Variants in CSMD1 observed in about 807,000 individuals in gnomAD.
CSMD1 encodes the protein CUB and sushi domain-containing protein 1.
A neutral mutation model predicts 417.5 loss-of-function variants in CSMD1; 213 were observed. That is an observed-to-expected ratio of 0.51 (90% confidence interval 0.46 to 0.57). The LOEUF is 0.57. CSMD1 is among the 20% of genes least tolerant of loss of function. The pLI is 0.00. For synonymous variants in CSMD1, 2,862 were observed against 1,736.8 expected (o/e 1.65, Z -16.11); for missense variants, 6,923 against 4,529.7 (o/e 1.53, Z -15.17).
chr8:4,156,639 G>A (rs1714778), intron 3 of CSMD1, among the ~76,000 whole-genome samples: 3 of 151,976 alleles, frequency 2.0e-5, no homozygotes, highest in Non-Finnish European at 2.9e-5. Flanking sequence ...TTGCTATTTG[G>A]TGATACCAGG....
At chr8:3,818,329 C>A (rs576467333) in intron 5 of CSMD1, among the ~76,000 whole-genome samples, 15 of 152,294 alleles carry the variant, frequency 9.8e-5, no homozygotes, top group African/African-American at 3.6e-4. Context: ...TCCAAAGAAA[C>A]TCCCTCATGT....
intron 5 of CSMD1, among the ~76,000 whole-genome samples, chr8:3,766,735 T>G (rs1228193554): frequency 1.3e-5 from 2 of 152,194 alleles, no homozygotes; most frequent in African/African-American, 2.4e-5. Context: ...TGATATTATT[T>G]TTAGCATACA....
chr8:4,228,111 C>T (rs1169594320), intron 3 of CSMD1, among the ~76,000 whole-genome samples: 2 of 151,790 alleles, frequency 1.3e-5, no homozygotes, highest in Admixed American at 6.6e-5. Context: ...CTTCATTCAA[C>T]CCCGTAACAG....
chr8:3,480,166 C>T (rs564113971), intron 11 of CSMD1, among the ~76,000 whole-genome samples: 2 of 151,922 alleles, frequency 1.3e-5, no homozygotes, highest in Non-Finnish European at 2.9e-5. Context: ...CAAGACCAGC[C>T]TGGGCAACAC....
chr8:4,364,294 G>A (rs368195909), intron 3 of CSMD1, among the ~76,000 whole-genome samples: 4 of 152,238 alleles, frequency 2.6e-5, no homozygotes, highest in South Asian at 2.1e-4. Flanking sequence ...AAGCCAAGGG[G>A]AACATTAAGG....
At chr8:4,774,309 T>C (rs898303863) in intron 1 of CSMD1, among the ~76,000 whole-genome samples, 11 of 152,198 alleles carry the variant, frequency 7.2e-5, no homozygotes, top group Non-Finnish European at 1.5e-4. Context: ...CCTGAGCAAG[T>C]TATAGTAATT....
chr8:3,840,802 T>A (rs151119156), intron 5 of CSMD1, among the ~76,000 whole-genome samples: 1 of 151,718 alleles, frequency 6.6e-6, no homozygotes, highest in South Asian at 2.1e-4. Context: ...TTCAAGCAAT[T>A]CTCCTGTCTC....
intron 23 of CSMD1, among the ~76,000 whole-genome samples, chr8:3,337,296 T>C (rs994135649): frequency 1.3e-5 from 2 of 152,244 alleles, no homozygotes; most frequent in Non-Finnish European, 2.9e-5. Flanking sequence ...GCTTTTATTA[T>C]TCATCACTTT....
intron 2 of CSMD1, among the ~76,000 whole-genome samples, chr8:4,432,611 C>T (rs945759530): frequency 6.6e-6 from 1 of 152,068 alleles, no homozygotes; most frequent in Non-Finnish European, 1.5e-5. Context: ...GGTGAGGAAA[C>T]GAAGCCTCAG....
intron 1 of CSMD1, among the ~76,000 whole-genome samples, chr8:4,826,100 G>T (rs917171902): frequency 3.3e-5 from 5 of 151,860 alleles, no homozygotes; most frequent in African/African-American, 1.2e-4. Context: ...ATTAAAAATT[G>T]AATTACCACA....
At chr8:3,664,225 A>T (rs1798565777) in intron 7 of CSMD1, among the ~76,000 whole-genome samples, 1 of 151,584 alleles carries the variant, frequency 6.6e-6, no homozygotes, top group Non-Finnish European at 1.5e-5. Flanking sequence ...ATGTTCCCCC[A>T]CTCTGTGTTC....
intron 5 of CSMD1, among the ~76,000 whole-genome samples, chr8:3,945,984 C>T (rs1811197030): frequency 6.6e-6 from 1 of 152,026 alleles, no homozygotes; most frequent in Non-Finnish European, 1.5e-5. Flanking sequence ...TGTTCCAGAC[C>T]GTATTTAAAG....
chr8:4,077,889 A>G (rs966900767), intron 3 of CSMD1, among the ~76,000 whole-genome samples: 5 of 152,102 alleles, frequency 3.3e-5, no homozygotes, highest in Admixed American at 1.3e-4. Flanking sequence ...TTGATGCCCA[A>G]TATAGCAATG....
At chr8:4,370,577 G>T (rs1034217983) in intron 3 of CSMD1, among the ~76,000 whole-genome samples, 10 of 152,244 alleles carry the variant, frequency 6.6e-5, no homozygotes, top group Admixed American at 6.5e-4. Flanking sequence ...ATAACAATGA[G>T]TTGTGTTTGG....
intron 3 of CSMD1, among the ~76,000 whole-genome samples, chr8:4,183,910 G>A (rs536543758): frequency 6.6e-6 from 1 of 152,022 alleles, no homozygotes; most frequent in Non-Finnish European, 1.5e-5. Flanking sequence ...CACAGCTTGG[G>A]GCAGCTACCA....
At chr8:3,994,298 C>G (rs1006409184) in intron 5 of CSMD1, among the ~76,000 whole-genome samples, 2 of 151,980 alleles carry the variant, frequency 1.3e-5, no homozygotes, top group East Asian at 1.9e-4. Flanking sequence ...CCTCAGTGTT[C>G]CCAGCCAAGA....
At chr8:4,846,205 CTTT>C (rs1236415316) in intron 1 of CSMD1, among the ~76,000 whole-genome samples, 1 of 152,186 alleles carries the variant, frequency 6.6e-6, no homozygotes, top group East Asian at 1.9e-4. Context: ...TGTCCAGGAT[CTTT>C]TTTTTCTTTT....
intron 5 of CSMD1, among the ~76,000 whole-genome samples, chr8:3,792,241 T>C (rs1799791883): frequency 6.6e-6 from 1 of 151,682 alleles, no homozygotes; most frequent in South Asian, 2.1e-4. Context: ...TGCAGGGAGT[T>C]ATGATAGTGC....
intron 6 of CSMD1, among the ~76,000 whole-genome samples, chr8:3,741,555 G>C (rs1006293226): frequency 1.3e-5 from 2 of 152,174 alleles, no homozygotes; most frequent in Non-Finnish European, 2.9e-5. Flanking sequence ...ATCCATTTAT[G>C]ATATGCATTT....
Sources: allele counts gnomAD v4.1 joint callset (sites outside exome capture counted in the v4.1 genomes callset), GRCh38; gene constraint gnomAD v4.1.1; transcripts MANE v1.5; gene names NCBI Gene and HGNC (gene_info 2026-07-23, HGNC 2026-07-21).